GK5: variants seen among roughly 807,000 people sequenced by gnomAD.
GK5 encodes the protein glycerol kinase 5.
A neutral mutation model predicts 77.3 loss-of-function variants in GK5; 39 were observed. The observed-to-expected ratio is 0.50, with a 90% CI of 0.39 to 0.66. The LOEUF is 0.66. Among genes scored for constraint, GK5 ranks in the 30% least tolerant of loss-of-function variants. GK5 has a pLI of 0.00. For synonymous variants in GK5, 211 were observed against 208.0 expected (o/e 1.01, Z -0.13); for missense variants, 487 against 633.8 (o/e 0.77, Z 2.49).
At chr3:142,203,274 T>A (rs182533367) in intron 4 of GK5, among the ~76,000 whole-genome samples, 43 of 152,246 alleles carry the variant, frequency 2.8e-4, no homozygotes, top group African/African-American at 9.9e-4. Context: ...AAAAGGAAAA[T>A]CAATTCAGGT....
At chr3:142,181,053 T>A (rs2107773397) in intron 11 of GK5, among the ~76,000 whole-genome samples, 1 of 152,322 alleles carries the variant, frequency 6.6e-6, no homozygotes, top group Non-Finnish European at 1.5e-5. Flanking sequence ...AAATGTGCAT[T>A]TCTTTAATTA....
rs763461787 is a variant in GK5 at position 142,186,494 on chromosome 3, A to G, written c.639T>C (p.Asp213=). 2.9e-5 allele frequency: 45 copies of G among 1,551,394 alleles called. No individual in the cohort carries two copies. Among genetic ancestry groups the G allele is most frequent in the Non-Finnish European group, 3.6e-5 (41 of 1,144,154 alleles). The part of the protein sequence containing the change: ...KLTKGSVYAT[D]FSNASTTGLF... ...GTCCAGTTGTACTAGCATTTGAAAA[A>G]TCTGTGGCATATACAGAACCTAAAT... The change falls in exon 7 of 16, where the codon GAT becomes GAC. Residue 213 remains aspartate, a synonymous_variant. Coordinates refer to ENST00000392993, the MANE Select transcript of GK5 (RefSeq NM_001039547.3).
chr3:142,189,439 T>C (rs1017960460), intron 5 of GK5, among the ~76,000 whole-genome samples: 1 of 152,232 alleles, frequency 6.6e-6, no homozygotes, highest in African/African-American at 2.4e-5. Context: ...AGTATTCTTA[T>C]ATTTCAAACT....
intron 15 of GK5, among the ~76,000 whole-genome samples, chr3:142,169,230 C>G (rs1235849934): frequency 6.6e-6 from 1 of 152,236 alleles, no homozygotes; most frequent in Non-Finnish European, 1.5e-5. Flanking sequence ...AAAGTTTCCT[C>G]CTTGACCAAA....
rs893926960 is a variant in GK5, at chr3:142,216,999, G to A, written c.148-1307C>T. 4.5e-4 allele frequency among the ~76,000 whole-genome samples: 68 copies of A among 151,836 alleles called. 3 individuals carry two copies. The highest frequency in any genetic ancestry group is 5.9e-5 in the Non-Finnish European group (4 of 67,976). ...CTCATAGGATTTATAAAAACCCCAG[G>A]GTCTTTTAACATAATATTCAAAATT... On this transcript the variant is annotated intron_variant, in intron 1 of 15. Transcript: ENST00000392993.
At chr3:142,171,505 A>C (rs1008680790) in intron 13 of GK5, 27 bp from the exon 14 acceptor site, 1 of 1,348,914 alleles carries the variant, frequency 7.4e-7, no homozygotes, top group Middle Eastern at 2.5e-4. Flanking sequence ...ATAACTATTT[A>C]TAAGAAATTC....
At chr3:142,193,979 G>A (rs144954154) in intron 5 of GK5, among the ~76,000 whole-genome samples, 111 of 152,192 alleles carry the variant, frequency 7.3e-4, no homozygotes, top group African/African-American at 2.5e-3. Flanking sequence ...GATCTCAGGT[G>A]ATCCACCCCC....
intron 4 of GK5, among the ~76,000 whole-genome samples, chr3:142,203,666 T>A (rs2064061910): frequency 6.6e-6 from 1 of 151,974 alleles, no homozygotes; most frequent in Admixed American, 6.6e-5. Flanking sequence ...CCCAGCTACT[T>A]GGGAGGCTGA....
Position 142,225,464 on chromosome 3 carries a change from C to T in GK5, c.-9G>A, listed in dbSNP as rs763532234. ...GTGAGCAGCCCCGACATCCCGATCC[C>T]GCACGCCTCTCCGCTACAGCCGCCT... On this transcript the variant is annotated 5_prime_UTR_variant, in exon 1 of 16. Coordinates refer to ENST00000392993, the MANE Select transcript of GK5 (RefSeq NM_001039547.3). The T allele has an allele frequency of 1.2e-6, 2 of 1,600,646 alleles. No individual in the cohort carries two copies. The highest frequency in any genetic ancestry group is 1.7e-6 in the Non-Finnish European group (2 of 1,177,922).
At chr3:142,181,398 A>C in intron 11 of GK5, 63 bp downstream of exon 11, 1 of 916,308 alleles carries the variant, frequency 1.1e-6, no homozygotes, top group East Asian at 2.5e-5. Context: ...CTAATCTGCA[A>C]TCCTGTGGCA....
At position 142,165,651 on chromosome 3, in the gene GK5, G is replaced by A. The variant is rs751750142; in HGVS notation, c.1561C>T (p.Arg521Cys). ...GTCTTGTTATACCAATTCATGGAGCGTTTCACTGCTTTGGCCCAGTTTTCC... is the reference window on the plus strand; with the variant it reads ...GTCTTGTTATACCAATTCATGGAGCATTTCACTGCTTTGGCCCAGTTTTCC... ...SLENWAKAVK[R>C]SMNWYNKT The change falls in exon 16 of 16, where the codon CGC becomes TGC. Residue 521 changes from arginine to cysteine, a missense_variant. Arg to Cys is a radical substitution (Grantham distance 180, BLOSUM62 -3). Around this residue, in one of 4 missense-constraint regions of GK5, gnomAD observed 65 missense variants for 89.9 expected, o/e 0.72. Coordinates refer to ENST00000392993, the MANE Select transcript of GK5 (RefSeq NM_001039547.3). 38 of 1,611,346 alleles carry A rather than the reference G, an allele frequency of 2.4e-5. No individual in the cohort carries two copies. The highest frequency in any genetic ancestry group is 3.3e-5 in the South Asian group (3 of 90,378).
intron 9 of GK5, 32 bp from the exon 10 acceptor site, chr3:142,183,081 C>T (rs776234524): frequency 6.2e-7 from 1 of 1,600,998 alleles, no homozygotes; most frequent in East Asian, 2.2e-5. Flanking sequence ...AAACCCATTG[C>T]CCTTAACAGT....
chr3:142,158,316 G>C lies in GK5; in HGVS notation c.*7306C>G, dbSNP rs1334610569. Reference sequence around the variant, plus strand: ...TATCCTCAAACTCCTGGGCTCAAGTGATTCTCCAGCCTCAGCCTCCTGAGT... The same window carrying C: ...TATCCTCAAACTCCTGGGCTCAAGTCATTCTCCAGCCTCAGCCTCCTGAGT... On this transcript the variant is annotated 3_prime_UTR_variant, in exon 16 of 16. Transcript: ENST00000392993. The C allele has an allele frequency of 6.6e-6, 1 of 151,888 alleles. No homozygotes were observed. The highest frequency in any genetic ancestry group is 1.5e-5 in the Non-Finnish European group (1 of 67,988). 9.4% of individuals were successfully genotyped at this position (151,888 alleles called of 1,614,324 possible).
intron 5 of GK5, among the ~76,000 whole-genome samples, chr3:142,193,364 T>C (rs960093796): frequency 3.9e-5 from 6 of 151,980 alleles, no homozygotes; most frequent in Non-Finnish European, 5.9e-5. Flanking sequence ...TAATGCAAAT[T>C]AAAGCCACAA....
rs570003189 is a variant in GK5 at position 142,225,539 on chromosome 3, C to G, written c.-84G>C. The G allele has an allele frequency of 2.0e-6, 3 of 1,485,084 alleles. No individual in the cohort carries two copies. Among genetic ancestry groups the G allele is most frequent in the Non-Finnish European group, 1.8e-6 (2 of 1,114,594 alleles). 92.0% of individuals were successfully genotyped at this position (1,485,084 alleles called of 1,614,324 possible). ...CAATGCTCCAGAGTCCCCGGGCGGC[C>G]CAACCCGGGCCCCAACCCGGCTCAG... On this transcript the variant is annotated 5_prime_UTR_variant, in exon 1 of 16. Transcript: ENST00000392993.
At chr3:142,211,280 C>A (rs1004858487) in intron 3 of GK5, among the ~76,000 whole-genome samples, 11 of 152,176 alleles carry the variant, frequency 7.2e-5, no homozygotes, top group African/African-American at 2.7e-4. Flanking sequence ...GTCCCCATGA[C>A]AACGAATTAT....
At chr3:142,208,417 T>C (rs1461911118) in intron 3 of GK5, among the ~76,000 whole-genome samples, 1 of 152,226 alleles carries the variant, frequency 6.6e-6, no homozygotes, top group African/African-American at 2.4e-5. Flanking sequence ...TAGTTTATAG[T>C]TTAAGCTTTT....
chr3:142,211,602 G>A (rs2064188951), intron 3 of GK5, among the ~76,000 whole-genome samples: 1 of 152,176 alleles, frequency 6.6e-6, no homozygotes, highest in Non-Finnish European at 1.5e-5. Context: ...GAACAGTCTA[G>A]GCAACATGGT....
Position 142,215,590 on chromosome 3 carries a change from TC to T in GK5, c.241+8del. Reference sequence around the variant, plus strand: ...TAAAGATTATTGTTATTTTTATAAATCCAATTACCTTTGACTGCTTCTTTTA... The same window carrying T: ...TAAAGATTATTGTTATTTTTATAAATCAATTACCTTTGACTGCTTCTTTTA... On this transcript the variant is annotated splice_region_variant and intron_variant, in intron 2 of 15. Coordinates refer to ENST00000392993, the MANE Select transcript of GK5 (RefSeq NM_001039547.3). 7.1e-7 allele frequency: 1 copy of T among 1,402,602 alleles called. No homozygotes were observed. Among genetic ancestry groups the T allele is most frequent in the Non-Finnish European group, 1.0e-6 (1 of 1,003,274 alleles). The allele number at this position is 1,402,602 out of a possible 1,614,324, so 86.9% of individuals were successfully genotyped here.
Sources: allele counts gnomAD v4.1 joint callset (sites outside exome capture counted in the v4.1 genomes callset), GRCh38; gene constraint gnomAD v4.1.1; regional missense constraint gnomAD v4.1.1; transcripts MANE v1.5; gene names NCBI Gene and HGNC (gene_info 2026-07-23, HGNC 2026-07-21).